Variants in GRIN2A observed in about 807,000 individuals in gnomAD.
The protein encoded by GRIN2A is glutamate ionotropic receptor NMDA type subunit 2A.
GRIN2A carries 22 observed loss-of-function variants against 113.4 expected under a neutral mutation model. The ratio of observed to expected loss-of-function variants is 0.19; its 90% CI spans 0.14 to 0.28. The LOEUF (loss-of-function observed/expected upper bound fraction) is 0.28. GRIN2A is among the 10% of genes least tolerant of loss of function. GRIN2A has a pLI of 1.00. For missense variants in GRIN2A, 1,502 were observed against 1,887.0 expected, an observed-to-expected ratio of 0.80 and a Z score of 3.78; for synonymous variants, 827 against 738.4, an observed-to-expected ratio of 1.12 and a Z score of -1.94.
intron 2 of GRIN2A, among the ~76,000 whole-genome samples, chr16:10,077,697 C>T (rs987986796): frequency 6.6e-6 from 1 of 152,194 alleles, no homozygotes; most frequent in African/African-American, 2.4e-5. Flanking sequence ...TCCTTCCATC[C>T]CCAAGCCAGC....
At chr16:10,096,439 G>C (rs1332902103) in intron 2 of GRIN2A, among the ~76,000 whole-genome samples, 2 of 151,988 alleles carry the variant, frequency 1.3e-5, no homozygotes, top group African/African-American at 4.8e-5. Flanking sequence ...AGGCATCTCG[G>C]GGTTTCTGAT....
chr16:10,061,151 T>C (rs183779567), intron 2 of GRIN2A, among the ~76,000 whole-genome samples: 1 of 152,150 alleles, frequency 6.6e-6, no homozygotes, highest in Non-Finnish European at 1.5e-5. Flanking sequence ...TCCTTATTCT[T>C]GTTTCCTGCT....
chr16:9,841,193 T>G, intron 5 of GRIN2A, 89 bp from the exon 6 acceptor site: 1 of 1,139,136 alleles, frequency 8.8e-7, no homozygotes, highest in Non-Finnish European at 1.3e-6. Flanking sequence ...ATTTTTCAGA[T>G]GAGTAAACTG....
At chr16:9,837,497 TTCTC>T (rs1311548852) in intron 7 of GRIN2A, among the ~76,000 whole-genome samples, 1 of 152,216 alleles carries the variant, frequency 6.6e-6, no homozygotes, top group African/African-American at 2.4e-5. Flanking sequence ...TGATATTTTT[TTCTC>T]TCTGATTGAA....
intron 3 of GRIN2A, among the ~76,000 whole-genome samples, chr16:9,931,309 AATG>A (rs531569050): frequency 6.6e-6 from 1 of 152,192 alleles, no homozygotes; most frequent in African/African-American, 2.4e-5. Context: ...AAGTTATAAT[AATG>A]ATGATGATGA....
At chr16:10,047,448 C>A (rs2047281388) in intron 2 of GRIN2A, among the ~76,000 whole-genome samples, 1 of 152,198 alleles carries the variant, frequency 6.6e-6, no homozygotes, top group Admixed American at 6.5e-5. Context: ...GTTAGCTTTG[C>A]ATACTATTGT....
At chr16:9,774,737 G>A (rs1221808005) in intron 11 of GRIN2A, among the ~76,000 whole-genome samples, 1 of 152,204 alleles carries the variant, frequency 6.6e-6, no homozygotes, top group Admixed American at 6.5e-5. Context: ...TTATCTCATA[G>A]GAGTTTTGTT....
At chr16:9,992,943 C>T (rs1217887574) in intron 2 of GRIN2A, among the ~76,000 whole-genome samples, 2 of 152,028 alleles carry the variant, frequency 1.3e-5, no homozygotes, top group Admixed American at 6.6e-5. Flanking sequence ...AGGCCGGTGG[C>T]GGTGGCTCAC....
intron 4 of GRIN2A, among the ~76,000 whole-genome samples, chr16:9,878,486 A>C (rs2043415028): frequency 6.6e-6 from 1 of 152,262 alleles, no homozygotes; most frequent in Admixed American, 6.5e-5. Flanking sequence ...AAATGCAGAG[A>C]ATGTTGGGAG....
At chr16:10,130,084 A>G (rs1027021367) in intron 2 of GRIN2A, among the ~76,000 whole-genome samples, 2 of 152,210 alleles carry the variant, frequency 1.3e-5, no homozygotes, top group South Asian at 2.1e-4. Flanking sequence ...CTAAGACAAG[A>G]AAGTAAGAAG....
chr16:9,808,421 C>A (rs1233562895), intron 10 of GRIN2A, among the ~76,000 whole-genome samples: 1 of 152,126 alleles, frequency 6.6e-6, no homozygotes, highest in Non-Finnish European at 1.5e-5. Context: ...ACTTGTCACA[C>A]AGGAGGACTG....
At chr16:9,971,307 A>C (rs1465374751) in intron 2 of GRIN2A, among the ~76,000 whole-genome samples, 1 of 152,192 alleles carries the variant, frequency 6.6e-6, no homozygotes, top group Non-Finnish European at 1.5e-5. Flanking sequence ...TCAAAACTCA[A>C]CCACCATGCT....
rs1020503386 is a variant in GRIN2A at position 9,866,762 on chromosome 16, A to G, written c.1123-16801T>C. ...AAACTGAAGGCCAGTTTTTTTGACC[A>G]TCTCTCCACTGACCACCTCCAGTCC... On this transcript the variant is annotated intron_variant, in intron 4 of 12. Transcript: ENST00000330684. Among the ~76,000 whole-genome samples the G allele has an allele frequency of 5.3e-5, 8 of 152,264 alleles. No individual in the cohort carries two copies. The East Asian group carries it at 1.4e-3, about 26-fold the overall frequency.
At chr16:9,891,708 A>G (rs1859553747) in intron 3 of GRIN2A, among the ~76,000 whole-genome samples, 1 of 152,220 alleles carries the variant, frequency 6.6e-6, no homozygotes, top group African/African-American at 2.4e-5. Flanking sequence ...GAGGAAGTGC[A>G]GCTTGACCTG....
At chr16:10,143,094 G>A (rs2049361279) in intron 2 of GRIN2A, among the ~76,000 whole-genome samples, 1 of 152,132 alleles carries the variant, frequency 6.6e-6, no homozygotes, top group African/African-American at 2.4e-5. Context: ...ATTGTGTTGA[G>A]CTGGTGAAGA....
intron 2 of GRIN2A, among the ~76,000 whole-genome samples, chr16:9,948,417 C>T (rs949435418): frequency 2.0e-5 from 3 of 152,142 alleles, no homozygotes; most frequent in African/African-American, 7.2e-5. Flanking sequence ...ATGGACCAAG[C>T]TTTCAGTAGC....
chr16:9,905,093 C>G (rs533405592), intron 3 of GRIN2A, among the ~76,000 whole-genome samples: 1 of 152,200 alleles, frequency 6.6e-6, no homozygotes. Context: ...AAACACATCA[C>G]TTCAATAAAC....
intron 2 of GRIN2A, among the ~76,000 whole-genome samples, chr16:10,156,307 G>T (rs1054053025): frequency 6.6e-6 from 1 of 152,330 alleles, no homozygotes; most frequent in Admixed American, 6.5e-5. Flanking sequence ...CAGCTGTGTA[G>T]CAGAATATAA....
intron 2 of GRIN2A, among the ~76,000 whole-genome samples, chr16:10,173,310 C>T (rs2050080360): frequency 6.6e-6 from 1 of 152,250 alleles, no homozygotes; most frequent in African/African-American, 2.4e-5. Context: ...AGGCCCATCA[C>T]TCGCATCCAA....
Sources: allele counts gnomAD v4.1 joint callset (sites outside exome capture counted in the v4.1 genomes callset), GRCh38; gene constraint gnomAD v4.1.1; transcripts MANE v1.5; gene names NCBI Gene and HGNC (gene_info 2026-07-23, HGNC 2026-07-21).